Variants in IQSEC2 observed in about 807,000 individuals in gnomAD.
IQSEC2 encodes IQ motif and SEC7 domain-containing protein 2.
Under a neutral mutation model 74.6 loss-of-function variants are expected in IQSEC2, and 6 were observed. The ratio of observed to expected loss-of-function variants is 0.08; its 90% CI spans 0.04 to 0.16. The LOEUF is 0.16. Ranked by LOEUF, IQSEC2 falls within the 10% of genes least tolerant of loss-of-function variation. IQSEC2 has a pLI of 1.00. For synonymous variants in IQSEC2, 494 were observed against 544.5 expected (o/e 0.91, Z 1.29); for missense variants, 734 against 1,306.2 (o/e 0.56, Z 6.75).
At chrX:53,283,578 T>C (rs782412870) in intron 2 of IQSEC2, among the ~76,000 whole-genome samples, 8 of 111,700 alleles carry the variant, frequency 7.2e-5, no homozygotes, top group African/African-American at 2.6e-4. Context: ...TGAGGAAGAT[T>C]TCTAAGAAAA....
chrX:53,274,721 A>G (rs2074800785), intron 2 of IQSEC2, among the ~76,000 whole-genome samples: 1 of 110,523 alleles, frequency 9.0e-6, no homozygotes, highest in Non-Finnish European at 1.9e-5. Flanking sequence ...TCGGCCTCCC[A>G]AAGTGCTGGG....
intron 2 of IQSEC2, among the ~76,000 whole-genome samples, chrX:53,287,471 T>C (rs1333686844): frequency 1.8e-5 from 2 of 112,770 alleles, no homozygotes; most frequent in Admixed American, 1.9e-4. Flanking sequence ...CAACCAGATA[T>C]GGTTCTCTGC....
Position 53,285,452 on chromosome X carries a change from T to C in IQSEC2, c.737+6443A>G, listed in dbSNP as rs782205600. Among the ~76,000 whole-genome samples, 7 of 112,405 alleles carry C rather than the reference T, an allele frequency of 6.2e-5. No individual in the cohort carries two copies. The South Asian group carries it at 2.5e-3, about 41-fold the overall frequency. On this transcript the variant is annotated intron_variant, in intron 2 of 14. Coordinates refer to ENST00000642864, the MANE Select transcript of IQSEC2 (RefSeq NM_001111125.3). ...ACAATTTGGGGCAAGTCATTTTACC[T>C]CTCTAGGTTTCAGTTTCCCCACCTG...
At chrX:53,312,140 C>T (rs2075328354) in intron 1 of IQSEC2, among the ~76,000 whole-genome samples, 1 of 111,061 alleles carries the variant, frequency 9.0e-6, no homozygotes, top group Admixed American at 9.6e-5. Flanking sequence ...TGTGTGTTTG[C>T]TCATGCTGGC....
chrX:53,237,053 A>G (rs1397474683), intron 12 of IQSEC2, among the ~76,000 whole-genome samples: 1 of 112,101 alleles, frequency 8.9e-6, no homozygotes, highest in Non-Finnish European at 1.9e-5. Flanking sequence ...GCTGGGCGCT[A>G]CACATACTTG....
chrX:53,312,974 T>C (rs1268182237), intron 1 of IQSEC2, among the ~76,000 whole-genome samples: 1 of 112,447 alleles, frequency 8.9e-6, no homozygotes, highest in Non-Finnish European at 1.9e-5. Flanking sequence ...GAAACATTAG[T>C]GAAATGGTAC....
chrX:53,294,352 C>A (rs1556873752), intron 1 of IQSEC2, among the ~76,000 whole-genome samples: 1 of 112,010 alleles, frequency 8.9e-6, no homozygotes. Flanking sequence ...GCAGCTCACC[C>A]CAGGGTCCAT....
At chrX:53,300,283 C>T (rs2075198839) in intron 1 of IQSEC2, among the ~76,000 whole-genome samples, 1 of 111,480 alleles carries the variant, frequency 9.0e-6, no homozygotes, top group Non-Finnish European at 1.9e-5. Context: ...ATAAGTTTAT[C>T]CAACTCATTG....
chrX:53,257,252 G>T (rs1336531190), intron 2 of IQSEC2, among the ~76,000 whole-genome samples: 2 of 112,162 alleles, frequency 1.8e-5, no homozygotes, highest in Non-Finnish European at 3.8e-5. Context: ...GGTAGGTACT[G>T]GGGGGGACCC....
chrX:53,236,479 C>A lies in IQSEC2; in HGVS notation c.3294G>T (p.Gln1098His). Residue 1098 changes from glutamine to histidine, a missense_variant, in exon 13 of 15, where the codon CAG becomes CAT. Coordinates refer to ENST00000642864, the MANE Select transcript of IQSEC2 (RefSeq NM_001111125.3). The stretch of plus-strand genomic sequence containing the variant: ...AGGCGTTAGGCCGCATCATACCTTT[C>A]TGCTTCTCCAGCTCCGCTGGGTGGC... ...KYRVESELEK[Q>H]KGMMRPNASQ... The A allele has an allele frequency of 8.3e-7, 1 of 1,198,459 alleles. No individual in the cohort carries two copies. The highest frequency in any genetic ancestry group is 3.0e-5 in the East Asian group (1 of 33,152).
chrX:53,320,299 C>T (rs180721232), intron 1 of IQSEC2, 118 bp downstream of exon 1: 10 of 676,604 alleles, frequency 1.5e-5, no homozygotes, highest in South Asian at 1.1e-4. Context: ...CTTCTCCTGG[C>T]GGGTTGGGAC....
At chrX:53,277,471 G>A (rs974271704) in intron 2 of IQSEC2, among the ~76,000 whole-genome samples, 5 of 109,503 alleles carry the variant, frequency 4.6e-5, no homozygotes, top group Admixed American at 9.8e-5. Flanking sequence ...CACCCGCCTC[G>A]GCCTCCCAAA....
At chrX:53,271,497 C>T (rs2074744641) in intron 2 of IQSEC2, among the ~76,000 whole-genome samples, 1 of 111,738 alleles carries the variant, frequency 8.9e-6, no homozygotes, top group South Asian at 3.8e-4. Flanking sequence ...TCGCCTCTTC[C>T]CTTTCCCTCA....
rs1257959820 is a variant in IQSEC2 at position 53,321,327 on chromosome X, G to GCCACCACCA, written c.-213_-205dup. The GCCACCACCA allele has an allele frequency of 3.9e-6, 1 of 253,530 alleles. No homozygotes were observed. Among genetic ancestry groups the GCCACCACCA allele is most frequent in the Non-Finnish European group, 6.9e-6 (1 of 145,863 alleles). The allele number at this position is 253,530 out of a possible 1,213,427, so 20.9% of individuals were successfully genotyped here. A position where few individuals can be genotyped will look rare whatever the true frequency, so the allele number is the denominator to read the frequency against. On this transcript the variant is annotated 5_prime_UTR_variant, in exon 1 of 15. Transcript: ENST00000642864. ...GGGAGCAGGAGCTGAGGCTGCCGCC[G>GCCACCACCA]CCACCACCACCACCACAGCCACTGC...
chrX:53,307,089 C>G (rs1278678264), intron 1 of IQSEC2, among the ~76,000 whole-genome samples: 1 of 109,742 alleles, frequency 9.1e-6, no homozygotes, highest in Admixed American at 9.9e-5. Flanking sequence ...ATTAAACTAT[C>G]TAGGATGAGT....
chrX:53,254,557 T>C lies in IQSEC2; in HGVS notation c.1374A>G (p.Thr458=), dbSNP rs781998777. 14 of 1,192,610 alleles carry C rather than the reference T, an allele frequency of 1.2e-5. 1 individual carries two copies. The highest frequency in any genetic ancestry group is 1.8e-5 in the African/African-American group (1 of 56,177). ...GTTTGGAGAAGGAGTCCTCAAGTTC[T>C]GTGATGTCATTAGAAAACTCTCCAG... The part of the protein sequence containing the change: ...TTSGEFSNDI[T]ELEDSFSKQV... The change falls in exon 4 of 15, where the codon ACA becomes ACG. Residue 458 remains threonine (T), a synonymous_variant. Coordinates refer to ENST00000642864, the MANE Select transcript of IQSEC2 (RefSeq NM_001111125.3).
At chrX:53,232,447 G>A (rs1197344645), downstream of IQSEC2, among the ~76,000 whole-genome samples, 1 of 111,657 alleles carries the variant, frequency 9.0e-6, no homozygotes, top group Non-Finnish European at 1.9e-5. Context: ...GTGGAAGGAA[G>A]CATTCATCCT....
At chrX:53,281,664 A>G in intron 2 of IQSEC2, 1 of 722,188 alleles carries the variant, frequency 1.4e-6, no homozygotes, top group South Asian at 3.5e-5. Flanking sequence ...CCAGATTGCA[A>G]CTGGAAACTT....
At chrX:53,308,741 A>G (rs957219107) in intron 1 of IQSEC2, among the ~76,000 whole-genome samples, 2 of 110,213 alleles carry the variant, frequency 1.8e-5, no homozygotes, top group Non-Finnish European at 3.8e-5. Context: ...TCAGTTTAAA[A>G]TAGTACTTAA....
Sources: gnomAD v4.1 joint callset for allele counts (sites outside exome capture counted in the v4.1 genomes callset) on GRCh38, gnomAD v4.1.1 for gene constraint, MANE v1.5 for transcripts, NCBI Gene and HGNC (gene_info 2026-07-23, HGNC 2026-07-21) for gene names.